Variants in TPO observed in about 807,000 individuals in gnomAD.
TPO encodes the protein thyroid microsomal antigen.
TPO carries 78 observed loss-of-function variants against 96.9 expected under a neutral mutation model. That is an observed-to-expected ratio of 0.81 (90% CI 0.67 to 0.97). TPO has a LOEUF of 0.97. TPO is among the 50% of genes least tolerant of loss of function. TPO has a pLI of 0.00. For missense variants in TPO, 1,252 were observed against 1,274.8 expected (o/e 0.98, Z 0.27); for synonymous variants, 547 against 538.0 (o/e 1.02, Z -0.23).
chr2:1,458,618 G>C (rs565451780), intron 7 of TPO, among the ~76,000 whole-genome samples: 1 of 151,968 alleles, frequency 6.6e-6, no homozygotes, highest in Non-Finnish European at 1.5e-5. Flanking sequence ...GTGTGGGCAC[G>C]TGTGTTTATA....
chr2:1,439,708 C>T (rs937298302), intron 5 of TPO, among the ~76,000 whole-genome samples: 2 of 152,126 alleles, frequency 1.3e-5, no homozygotes, highest in African/African-American at 4.8e-5. Flanking sequence ...GACTCCCCCT[C>T]TCCCCCTCAC....
chr2:1,374,481 A>G (rs1661687201), intron 1 of TPO: 1 of 152,218 alleles, frequency 6.6e-6, no homozygotes, highest in Non-Finnish European at 1.5e-5. Context: ...GTTGTCATAC[A>G]CACAGGGATA....
At chr2:1,460,961 G>A (rs1016830906) in intron 7 of TPO, among the ~76,000 whole-genome samples, 3 of 152,200 alleles carry the variant, frequency 2.0e-5, no homozygotes, top group Non-Finnish European at 4.4e-5. Flanking sequence ...GGCAAGAGCT[G>A]GTGAAAAGCA....
intron 4 of TPO, 33 bp from the exon 5 acceptor site, chr2:1,436,219 A>G: frequency 6.2e-7 from 1 of 1,614,118 alleles, no homozygotes; most frequent in Non-Finnish European, 8.5e-7. Flanking sequence ...TGTGGTTACA[A>G]GCACAGAATT....
At chr2:1,486,519 A>G (rs973273412) in intron 9 of TPO, among the ~76,000 whole-genome samples, 1 of 152,198 alleles carries the variant, frequency 6.6e-6, no homozygotes, top group African/African-American at 2.4e-5. Context: ...ACTGGGCAAC[A>G]GAGTGAAACT....
intron 10 of TPO, among the ~76,000 whole-genome samples, chr2:1,491,755 A>C (rs368617926): frequency 1.3e-5 from 2 of 152,318 alleles, no homozygotes; most frequent in South Asian, 4.1e-4. Flanking sequence ...AGGCTACAGT[A>C]GATTGGGTGA....
chr2:1,532,875 TA>T (rs1678639636), intron 15 of TPO, among the ~76,000 whole-genome samples: 1 of 61,472 alleles, frequency 1.6e-5, no homozygotes, highest in African/African-American at 9.5e-5. Flanking sequence ...CCTCCTCAAA[TA>T]CCCCCAGTTT....
rs17855780 is a variant in TPO, at chr2:1,433,466, C to T, written c.208C>T (p.Pro70Ser). 11 of 1,614,204 alleles carry T rather than the reference C, an allele frequency of 6.8e-6. No homozygotes were observed. Among genetic ancestry groups the T allele is most frequent in the South Asian group, 2.2e-5 (2 of 91,084 alleles). The stretch of plus-strand genomic sequence containing the variant: ...CCTCAAGAAAAGAGGAATCCTTTCT[C>T]CAGCTCAGCTTCTGTCTTTTTCCAA... ...RNLKKRGILS[P>S]AQLLSFSKLP... The change falls in exon 4 of 17, where the codon CCA (proline) becomes TCA (serine). Residue 70 changes from proline (P) to serine (S), a missense_variant. Pro to Ser is a moderately conservative substitution (Grantham distance 74). Coordinates refer to ENST00000329066, the MANE Select transcript of TPO (RefSeq NM_001206744.2).
chr2:1,434,584 C>T (rs1225012504), intron 4 of TPO, among the ~76,000 whole-genome samples: 2 of 152,176 alleles, frequency 1.3e-5, no homozygotes, highest in Non-Finnish European at 2.9e-5. Flanking sequence ...TGTCAGGCCT[C>T]CTATGGAAAT....
intron 1 of TPO, among the ~76,000 whole-genome samples, chr2:1,391,297 C>T (rs1661997185): frequency 6.6e-6 from 1 of 152,132 alleles, no homozygotes; most frequent in Non-Finnish European, 1.5e-5. Context: ...ATCATTTCCC[C>T]ATTTCTTTTT....
intron 1 of TPO, among the ~76,000 whole-genome samples, chr2:1,394,577 G>A (rs1335082812): frequency 6.6e-6 from 1 of 152,194 alleles, no homozygotes; most frequent in East Asian, 1.9e-4. Flanking sequence ...GTGAGATGGA[G>A]AAAGTGTGTC....
intron 14 of TPO, among the ~76,000 whole-genome samples, chr2:1,508,187 TTATC>T (rs1673685518): frequency 6.6e-6 from 1 of 152,124 alleles, no homozygotes; most frequent in African/African-American, 2.4e-5. Context: ...TGGATTACAT[TTATC>T]GATTTGCGTA....
At chr2:1,464,395 T>C (rs1025860781) in intron 7 of TPO, among the ~76,000 whole-genome samples, 2 of 152,250 alleles carry the variant, frequency 1.3e-5, no homozygotes, top group African/African-American at 4.8e-5. Context: ...ATGACTTCTT[T>C]TCCTCTGGGT....
At chr2:1,387,174 C>T (rs1661913193) in intron 1 of TPO, among the ~76,000 whole-genome samples, 1 of 152,140 alleles carries the variant, frequency 6.6e-6, no homozygotes, top group Admixed American at 6.5e-5. Flanking sequence ...TTTGGTGAAT[C>T]TGACAATTAT....
chr2:1,410,393 G>A (rs1662315373), upstream of TPO, among the ~76,000 whole-genome samples: 3 of 152,228 alleles, frequency 2.0e-5, no homozygotes, highest in South Asian at 6.2e-4. Flanking sequence ...GGTGAGTCAA[G>A]TGTGAGCCCA....
At chr2:1,419,600 A>G (rs1171587905) in intron 2 of TPO, among the ~76,000 whole-genome samples, 1 of 152,222 alleles carries the variant, frequency 6.6e-6, no homozygotes, top group African/African-American at 2.4e-5. Flanking sequence ...CCAGCCCCAG[A>G]GGCATTTGTG....
upstream of TPO, among the ~76,000 whole-genome samples, chr2:1,410,181 G>A (rs970901401): frequency 1.3e-5 from 2 of 152,188 alleles, no homozygotes; most frequent in African/African-American, 4.8e-5. Context: ...ATGTTAATTA[G>A]CTTGATTTAA....
chr2:1,530,866 T>G (rs1429268266), intron 15 of TPO, among the ~76,000 whole-genome samples: 8 of 106,430 alleles, frequency 7.5e-5, no homozygotes, highest in Non-Finnish European at 1.3e-4. Flanking sequence ...CCCCACTGTG[T>G]GCAACCTCCG....
intron 10 of TPO, among the ~76,000 whole-genome samples, chr2:1,492,259 A>G (rs1671843060): frequency 6.6e-6 from 1 of 152,086 alleles, no homozygotes; most frequent in Non-Finnish European, 1.5e-5. Context: ...GGTTCAAGCA[A>G]TTCTCCTGCC....
Sources: allele counts gnomAD v4.1 joint callset (sites outside exome capture counted in the v4.1 genomes callset), GRCh38; gene constraint gnomAD v4.1.1; transcripts MANE v1.5; gene names NCBI Gene and HGNC (gene_info 2026-07-23, HGNC 2026-07-21).